Variants in STON2 observed in about 807,000 individuals in gnomAD.
The protein encoded by STON2 is stonin 2, also known as stonin-2.
STON2 carries 29 observed loss-of-function variants against 65.7 expected under a neutral mutation model. The observed-to-expected ratio is 0.44, with a 90% CI of 0.33 to 0.60. The LOEUF is 0.60. Among genes scored for constraint, STON2 ranks in the 20% least tolerant of loss-of-function variants. The pLI is 0.03. For synonymous variants in STON2, 404 were observed against 414.2 expected, an observed-to-expected ratio of 0.98 and a Z score of 0.30; for missense variants, 1,054 against 1,118.1, an observed-to-expected ratio of 0.94 and a Z score of 0.82.
chr14:81,387,293 AT>A (rs1166364958), intron 3 of STON2, among the ~76,000 whole-genome samples: 1 of 152,092 alleles, frequency 6.6e-6, no homozygotes, highest in African/African-American at 2.4e-5. Flanking sequence ...CTTAAATCAT[AT>A]GGCAACCTCA....
intron 7 of STON2, chr14:81,269,768 T>C (rs979674354): frequency 1.0e-4 from 101 of 985,304 alleles, no homozygotes; most frequent in Non-Finnish European, 1.2e-4. Flanking sequence ...TTTCCAATCG[T>C]TGGCATTTAA....
At chr14:81,417,684 T>C (rs1195398349) in intron 2 of STON2, among the ~76,000 whole-genome samples, 1 of 152,096 alleles carries the variant, frequency 6.6e-6, no homozygotes, top group South Asian at 2.1e-4. Context: ...TAGAGAAAAA[T>C]TACGGGTGAA....
intron 2 of STON2, among the ~76,000 whole-genome samples, chr14:81,421,748 G>T (rs1055660437): frequency 6.6e-6 from 1 of 152,208 alleles, no homozygotes; most frequent in Non-Finnish European, 1.5e-5. Flanking sequence ...TAAAAGGGAG[G>T]TGATGAGCTT....
intron 4 of STON2, among the ~76,000 whole-genome samples, chr14:81,354,122 G>A (rs1898129779): frequency 6.6e-6 from 1 of 152,212 alleles, no homozygotes; most frequent in Non-Finnish European, 1.5e-5. Context: ...AACTCAAAGA[G>A]TGGTATCACC....
At chr14:81,346,225 T>C (rs1216232414) in intron 4 of STON2, among the ~76,000 whole-genome samples, 1 of 152,192 alleles carries the variant, frequency 6.6e-6, no homozygotes, top group Non-Finnish European at 1.5e-5. Flanking sequence ...GAGCTTTTTT[T>C]CCAGGACCTG....
At position 81,261,647 on chromosome 14, in the gene STON2, C is replaced by A; in HGVS notation, c.*6767G>T. 1 of 838,558 alleles carries A rather than the reference C, an allele frequency of 1.2e-6. No homozygotes were observed. Among genetic ancestry groups the A allele is most frequent in the East Asian group, 3.2e-5 (1 of 30,794 alleles). The allele number at this position is 838,558 out of a possible 1,614,324, so 51.9% of individuals were successfully genotyped here. A position where few individuals can be genotyped will look rare whatever the true frequency, so the allele number is the denominator to read the frequency against. The stretch of plus-strand genomic sequence containing the variant: ...CCTTCAATTTTCACAATATTTTATA[C>A]AAAATGACAAATATATATATACCTC... On this transcript the variant is annotated 3_prime_UTR_variant, in exon 8 of 8. Transcript: ENST00000614646.
intron 4 of STON2, among the ~76,000 whole-genome samples, chr14:81,344,480 A>G (rs1897737600): frequency 6.6e-6 from 1 of 152,210 alleles, no homozygotes; most frequent in African/African-American, 2.4e-5. Flanking sequence ...TTCAATTAAC[A>G]ATGTAATTGG....
chr14:81,341,804 T>C (rs1049265099), intron 4 of STON2, among the ~76,000 whole-genome samples: 10 of 152,342 alleles, frequency 6.6e-5, no homozygotes, highest in African/African-American at 2.4e-4. Flanking sequence ...TTGGAATCCA[T>C]AACCCTAATC....
rs932748832 is a variant in STON2 at position 81,363,326 on chromosome 14, A to T, written c.571+7662T>A. On this transcript the variant is annotated intron_variant, in intron 4 of 7. Transcript: ENST00000614646. ...GAAACAATTTTAAAAATTATATATA[A>T]AAATCATTTTAATGGCAAAAAAAGC... 2.0e-5 allele frequency among the ~76,000 whole-genome samples: 3 copies of T among 152,214 alleles called. No homozygotes were observed. The East Asian group carries it at 5.8e-4, about 29-fold the overall frequency.
chr14:81,389,189 A>G (rs536137201), intron 3 of STON2, among the ~76,000 whole-genome samples: 31 of 152,382 alleles, frequency 2.0e-4, no homozygotes, highest in Admixed American at 2.0e-3. Context: ...TATAGGAAAG[A>G]GTCAGTTTGC....
rs538994505 is a variant in STON2, at chr14:81,335,312, A to C, written c.572-11125T>G. ...TTTAAAAAGATGAGAAAGAACTAGAAGAAAGAAGAAAAGGTAGAGAGAAGA... is the reference window on the plus strand; with the variant it reads ...TTTAAAAAGATGAGAAAGAACTAGACGAAAGAAGAAAAGGTAGAGAGAAGA... On this transcript the variant is annotated intron_variant, in intron 4 of 7. Transcript: ENST00000614646. Among the ~76,000 whole-genome samples the C allele has an allele frequency of 9.8e-5, 15 of 152,356 alleles. No individual in the cohort carries two copies. The East Asian group carries it at 2.7e-3, about 27-fold the overall frequency.
intron 5 of STON2, among the ~76,000 whole-genome samples, chr14:81,309,561 C>A (rs780982965): frequency 2.6e-5 from 4 of 152,108 alleles, no homozygotes; most frequent in Non-Finnish European, 5.9e-5. Flanking sequence ...CAAATCTGAT[C>A]CTTCCTTGGA....
intron 3 of STON2, among the ~76,000 whole-genome samples, chr14:81,382,748 G>C (rs1022121346): frequency 6.6e-6 from 1 of 152,096 alleles, no homozygotes; most frequent in African/African-American, 2.4e-5. Flanking sequence ...ATCAAAAAAA[G>C]ACAGATTACT....
intron 5 of STON2, among the ~76,000 whole-genome samples, chr14:81,319,103 GCCTAAAATCAACCAATTGCC>G (rs1896732282): frequency 6.6e-6 from 1 of 152,200 alleles, no homozygotes; most frequent in Non-Finnish European, 1.5e-5. Context: ...CTAGAGTCCA[GCCTAAAATCAACCAATTGCC>G]CCCCTCAAAC....
rs1182904483 is a variant in STON2, at chr14:81,262,344, G to A, written c.*6070C>T. Reference sequence around the variant, plus strand: ...CGTGTCTAGCCTTTCCTCCCTTTAGGGAAGCTGGCTGCTAACACAGCACCT... The same window carrying A: ...CGTGTCTAGCCTTTCCTCCCTTTAGAGAAGCTGGCTGCTAACACAGCACCT... On this transcript the variant is annotated 3_prime_UTR_variant, in exon 8 of 8. Coordinates refer to ENST00000614646, the MANE Select transcript of STON2 (RefSeq NM_001394390.1). The A allele has an allele frequency of 1.0e-6, 1 of 985,238 alleles. No individual in the cohort carries two copies. The highest frequency in any genetic ancestry group is 1.7e-5 in the African/African-American group (1 of 57,206). The allele number at this position is 985,238 out of a possible 1,614,324, so 61.0% of individuals were successfully genotyped here.
chr14:81,298,924 T>C (rs780684313), intron 5 of STON2, among the ~76,000 whole-genome samples: 3 of 152,206 alleles, frequency 2.0e-5, no homozygotes, highest in Non-Finnish European at 4.4e-5. Flanking sequence ...ACACAATTCA[T>C]CCATGTCACT....
intron 2 of STON2, among the ~76,000 whole-genome samples, chr14:81,423,950 G>C (rs1157750255): frequency 6.6e-6 from 1 of 152,162 alleles, no homozygotes; most frequent in African/African-American, 2.4e-5. Flanking sequence ...TGGTAGAGTG[G>C]AGTCTGAGGT....
chr14:81,395,981 C>T lies in STON2; in HGVS notation c.286G>A (p.Ala96Thr), dbSNP rs377105797. ...TGAACCCAGTTGCTGATGGCCGAGG[C>T]CAGGTCAGGTGGGGGCTGCTCAGGG... The part of the protein sequence containing the change: ...GSPEQPPPDL[A>T]SAISNWVQFE... Residue 96 changes from alanine to threonine, a missense_variant, in exon 3 of 8, where the codon GCC becomes ACC. By Grantham distance (58) the Ala-to-Thr change is moderately conservative. Transcript: ENST00000614646. 4 of 1,614,058 alleles carry T rather than the reference C, an allele frequency of 2.5e-6. No individual in the cohort carries two copies. The African/African-American group carries it at 5.3e-5, about 22-fold the overall frequency.
chr14:81,333,778 T>C (rs183526666), intron 4 of STON2, among the ~76,000 whole-genome samples: 34 of 152,334 alleles, frequency 2.2e-4, no homozygotes, highest in Admixed American at 5.2e-4. Flanking sequence ...GGTATCAACA[T>C]GATTTTCTAG....
Sources: gnomAD v4.1 joint callset for allele counts (sites outside exome capture counted in the v4.1 genomes callset) on GRCh38, gnomAD v4.1.1 for gene constraint, MANE v1.5 for transcripts, NCBI Gene and HGNC (gene_info 2026-07-23, HGNC 2026-07-21) for gene names.